The following ABCA4 variants were observed in gnomAD, a reference collection of about 807,000 sequenced individuals.
The protein encoded by ABCA4 is ATP binding cassette subfamily A member 4.
A neutral mutation model predicts 263.7 loss-of-function variants in ABCA4; 196 were observed. The observed-to-expected ratio is 0.74, with a 90% CI of 0.66 to 0.84. The LOEUF (loss-of-function observed/expected upper bound fraction) is 0.84, where lower values mean the gene tolerates loss of function less well. Among genes scored for constraint, ABCA4 ranks in the 40% least tolerant of loss-of-function variants. ABCA4 has a pLI of 0.00. For missense variants in ABCA4, 2,792 were observed against 2,855.1 expected (o/e 0.98, Z 0.50); for synonymous variants, 1,133 against 1,094.2 (o/e 1.04, Z -0.70).
At chr1:94,058,843 C>G (rs1461465159) in intron 14 of ABCA4, among the ~76,000 whole-genome samples, 1 of 152,114 alleles carries the variant, frequency 6.6e-6, no homozygotes, top group Non-Finnish European at 1.5e-5. Context: ...TCTAATAGCT[C>G]GAGTAACAAA....
At chr1:94,046,445 GTT>G (rs386633544) in intron 19 of ABCA4, among the ~76,000 whole-genome samples, 6 of 16,482 alleles carry the variant, frequency 3.6e-4, no homozygotes, top group East Asian at 0.011. Flanking sequence ...ATGGGTAATG[GTT>G]ACTATCTCAA....
At chr1:94,045,998 C>G (rs1395497166) in intron 19 of ABCA4, 2 of 453,806 alleles carry the variant, frequency 4.4e-6, no homozygotes, top group Non-Finnish European at 8.9e-6. Context: ...CTTTGCCTTC[C>G]CTGCCCTGAC....
rs186894164 is a variant in ABCA4, at chr1:94,040,948, C to A, written c.3522+261G>T. Among the ~76,000 whole-genome samples, 3 of 152,378 alleles carry A rather than the reference C, an allele frequency of 2.0e-5. No individual in the cohort carries two copies. The East Asian group carries it at 5.8e-4, about 29-fold the overall frequency. ...ATAAGACACTCACTTCTATGTTGCA[C>A]CAAACCGCACCAAACTGGTGTGTAA... On this transcript the variant is annotated intron_variant, in intron 23 of 49. Coordinates refer to ENST00000370225, the MANE Select transcript of ABCA4 (RefSeq NM_000350.3).
intron 11 of ABCA4, among the ~76,000 whole-genome samples, chr1:94,069,315 GAGAA>G (rs1427920880): frequency 1.8e-4 from 27 of 152,340 alleles, no homozygotes; most frequent in African/African-American, 6.3e-4. Flanking sequence ...AGTAGAGGCA[GAGAA>G]AGAAAGAAAA....
At chr1:94,000,738 T>G in intron 47 of ABCA4, 98 bp downstream of exon 47, 1 of 1,286,792 alleles carries the variant, frequency 7.8e-7, no homozygotes, top group Non-Finnish European at 1.1e-6. Flanking sequence ...CCCCAGGGGA[T>G]GACGGAGCAG....
At chr1:94,099,088 C>T (rs547293647) in intron 5 of ABCA4, 97 bp from the exon 6 acceptor site, 10 of 1,307,436 alleles carry the variant, frequency 7.6e-6, no homozygotes, top group South Asian at 2.5e-5. Context: ...TGTTACATGG[C>T]GACAGGAATT....
At chr1:94,074,999 A>G (rs577863371) in intron 11 of ABCA4, among the ~76,000 whole-genome samples, 1 of 152,336 alleles carries the variant, frequency 6.6e-6, no homozygotes, top group East Asian at 1.9e-4. Flanking sequence ...GAATGAGATC[A>G]TGTCCTTTGC....
At chr1:94,046,590 T>G (rs1660690256) in intron 19 of ABCA4, among the ~76,000 whole-genome samples, 1 of 151,086 alleles carries the variant, frequency 6.6e-6, no homozygotes, top group Admixed American at 6.6e-5. Context: ...AGACTCAAGG[T>G]GTGAGAAACA....
intron 6 of ABCA4, among the ~76,000 whole-genome samples, chr1:94,088,502 G>A (rs995694872): frequency 6.6e-6 from 1 of 152,176 alleles, no homozygotes; most frequent in African/African-American, 2.4e-5. Context: ...TGTCTGCTGG[G>A]CATCTGCCTA....
At chr1:94,007,553 T>C (rs763967269) in intron 43 of ABCA4, 81 bp downstream of exon 43, 100 of 1,291,728 alleles carry the variant, frequency 7.7e-5, no homozygotes, top group Non-Finnish European at 1.0e-4. Flanking sequence ...CACCCTACTA[T>C]AGGGTCTGAT....
At chr1:93,994,009 C>T (rs1021587899) in intron 49 of ABCA4, among the ~76,000 whole-genome samples, 1 of 152,060 alleles carries the variant, frequency 6.6e-6, no homozygotes. Context: ...GTTCTTAGGG[C>T]TGAGAACAGG....
chr1:94,053,946 C>T (rs1172745746), intron 16 of ABCA4, among the ~76,000 whole-genome samples: 1 of 152,234 alleles, frequency 6.6e-6, no homozygotes, highest in African/African-American at 2.4e-5. Flanking sequence ...GAGTTTGTCC[C>T]TCCCCATGGA....
In ABCA4 at chr1:94,044,731, C is replaced by T. The variant is rs61749452; in HGVS notation, c.2932G>A (p.Gly978Ser). 1.9e-6 allele frequency: 3 copies of T among 1,614,082 alleles called. No homozygotes were observed. The African/African-American group carries it at 4.0e-5, about 22-fold the overall frequency. Residue 978 changes from glycine to serine, a missense_variant, in exon 20 of 50, where the codon GGT (glycine) becomes AGT (serine). Physicochemically the swap from Gly to Ser is moderately conservative, Grantham distance 56. Coordinates refer to ENST00000370225, the MANE Select transcript of ABCA4 (RefSeq NM_000350.3). ...GTCCCAGAGGTTGGTGGCAACAGAC[C>T]CGTCAGGATGGACCTGCAGAACACA... ...GKTTTLSILT[G>S]LLPPTSGTVL...
chr1:94,083,798 G>A (rs753485753), intron 6 of ABCA4, among the ~76,000 whole-genome samples: 21 of 152,164 alleles, frequency 1.4e-4, no homozygotes, highest in Admixed American at 3.9e-4. Flanking sequence ...GAAGTGCTGC[G>A]GGCCTGGGGT....
At chr1:94,113,177 T>C (rs1207898664) in intron 1 of ABCA4, 111 bp from the exon 2 acceptor site, 1 of 1,000,132 alleles carries the variant, frequency 1.0e-6, no homozygotes, top group Non-Finnish European at 1.6e-6. Flanking sequence ...AGTAGGACTT[T>C]GGTTGTGGTA....
chr1:94,092,436 C>T (rs1358234774), intron 6 of ABCA4, among the ~76,000 whole-genome samples: 1 of 152,156 alleles, frequency 6.6e-6, no homozygotes, highest in African/African-American at 2.4e-5. Context: ...AGTTGTTAAG[C>T]ATCAAATGAA....
At chr1:94,083,524 A>G in intron 6 of ABCA4, 83 bp from the exon 7 acceptor site, 1 of 1,041,586 alleles carries the variant, frequency 9.6e-7, no homozygotes, top group Non-Finnish European at 1.5e-6. Context: ...GATCTCCTAT[A>G]TGTTTGAAAA....
In ABCA4 at chr1:93,998,079, T is replaced by A. The variant is rs1182518547; in HGVS notation, c.6511A>T (p.Ile2171Phe). ...FGDGYIVTMK[I>F]KSPKDDLLPD... ...AGCAGGTCGTCCTTCGGGGATTTGA[T>A]CTTCATTGTGACGATATAGCCATCT... The change falls in exon 48 of 50, where the codon ATC becomes TTC. Residue 2171 changes from isoleucine to phenylalanine, a missense_variant. By Grantham distance (21) the Ile-to-Phe change is conservative. Transcript: ENST00000370225. The A allele has an allele frequency of 5.6e-6, 9 of 1,614,070 alleles. No homozygotes were observed.
chr1:94,116,301 C>T (rs1311249142), intron 1 of ABCA4, among the ~76,000 whole-genome samples: 1 of 152,042 alleles, frequency 6.6e-6, no homozygotes, highest in Non-Finnish European at 1.5e-5. Flanking sequence ...ATCATCACCC[C>T]TGTTGATTAG....
Sources: gnomAD v4.1 joint callset for allele counts (sites outside exome capture counted in the v4.1 genomes callset) on GRCh38, gnomAD v4.1.1 for gene constraint, MANE v1.5 for transcripts, NCBI Gene and HGNC (gene_info 2026-07-23, HGNC 2026-07-21) for gene names.